Variants in MBNL1 observed in about 807,000 individuals in gnomAD.
The protein encoded by MBNL1 is muscleblind-like protein 1.
A neutral mutation model predicts 42.2 loss-of-function variants in MBNL1; 8 were observed. The observed-to-expected ratio is 0.19, with a 90% CI of 0.11 to 0.34. MBNL1 has a LOEUF of 0.34. Ranked by LOEUF, MBNL1 falls within the 10% of genes least tolerant of loss-of-function variation. The pLI is 1.00. For synonymous variants in MBNL1, 169 were observed against 173.9 expected (o/e 0.97, Z 0.22); for missense variants, 309 against 495.3 (o/e 0.62, Z 3.57).
chr3:152,382,154 A>G (rs2097203135), intron 2 of MBNL1, among the ~76,000 whole-genome samples: 1 of 152,102 alleles, frequency 6.6e-6, no homozygotes, highest in Non-Finnish European at 1.5e-5. Context: ...GTTTTCCTTT[A>G]AACCCACTTG....
intron 2 of MBNL1, among the ~76,000 whole-genome samples, chr3:152,385,225 A>G (rs1159918138): frequency 1.3e-5 from 2 of 152,016 alleles, no homozygotes; most frequent in African/African-American, 4.8e-5. Context: ...TTCTTCTTGT[A>G]TTGAGGCCTC....
rs1482196799 is a variant in MBNL1, at chr3:152,464,100, ATTAC to A, written c.*1738_*1741del. 1 of 152,452 alleles carries A rather than the reference ATTAC, an allele frequency of 6.6e-6. No homozygotes were observed. The highest frequency in any genetic ancestry group is 2.4e-5 in the African/African-American group (1 of 41,414). 9.4% of individuals were successfully genotyped at this position (152,452 alleles called of 1,614,324 possible). A position where few individuals can be genotyped will look rare whatever the true frequency, so the allele number is the denominator to read the frequency against. On this transcript the variant is annotated 3_prime_UTR_variant, in exon 10 of 10. Coordinates refer to ENST00000324210, the MANE Select transcript of MBNL1 (RefSeq NM_021038.5). ...ATTGTAGTTAGTTACATTATAGAATATTACTTATTTTTCTTGTTAAAATGTAGTT... is the reference window on the plus strand; with the variant it reads ...ATTGTAGTTAGTTACATTATAGAATATTATTTTTCTTGTTAAAATGTAGTT...
At chr3:152,380,156 G>A (rs2097121011) in intron 2 of MBNL1, among the ~76,000 whole-genome samples, 1 of 151,946 alleles carries the variant, frequency 6.6e-6, no homozygotes, top group African/African-American at 2.4e-5. Context: ...CTCTGTATTT[G>A]GAAAGTCTCC....
At chr3:152,334,692 ATTCT>A (rs1435521567) in intron 2 of MBNL1, among the ~76,000 whole-genome samples, 15 of 152,184 alleles carry the variant, frequency 9.9e-5, no homozygotes, top group Admixed American at 4.6e-4. Flanking sequence ...ATATGGTAAC[ATTCT>A]TTCTTTCATT....
chr3:152,446,713 G>T, intron 5 of MBNL1: 1 of 1,613,840 alleles, frequency 6.2e-7, no homozygotes, highest in Non-Finnish European at 8.5e-7. Flanking sequence ...GACTCAGTCG[G>T]CTGTCAAATC....
chr3:152,425,860 G>GT (rs1191454004), intron 3 of MBNL1, among the ~76,000 whole-genome samples: 2 of 152,068 alleles, frequency 1.3e-5, no homozygotes, highest in Non-Finnish European at 1.5e-5. Context: ...TATATACTCA[G>GT]TTTTGTAAAT....
intron 2 of MBNL1, among the ~76,000 whole-genome samples, chr3:152,321,271 G>A (rs1162746248): frequency 6.6e-6 from 1 of 152,104 alleles, no homozygotes; most frequent in Non-Finnish European, 1.5e-5. Flanking sequence ...AGTTAGAATA[G>A]AGTAATTATG....
intron 2 of MBNL1, among the ~76,000 whole-genome samples, chr3:152,409,411 C>T (rs1238151309): frequency 6.6e-6 from 1 of 151,570 alleles, no homozygotes; most frequent in Non-Finnish European, 1.5e-5. Context: ...GGCTTGACTG[C>T]CAATGTTACT....
chr3:152,453,044 ATTAC>A (rs896683064), intron 6 of MBNL1, among the ~76,000 whole-genome samples: 28 of 151,580 alleles, frequency 1.8e-4, no homozygotes, highest in African/African-American at 5.1e-4. Flanking sequence ...ATATTAATAA[ATTAC>A]TTATAATTAA....
chr3:152,363,798 G>T (rs1273959436), intron 2 of MBNL1, among the ~76,000 whole-genome samples: 2 of 152,030 alleles, frequency 1.3e-5, no homozygotes, highest in Admixed American at 6.6e-5. Flanking sequence ...AAGCCTCATT[G>T]CTATATCATT....
intron 3 of MBNL1, among the ~76,000 whole-genome samples, chr3:152,416,238 G>A (rs2098700169): frequency 6.6e-6 from 1 of 152,116 alleles, no homozygotes; most frequent in Non-Finnish European, 1.5e-5. Flanking sequence ...CACATTACAT[G>A]GGCAGTGATA....
At chr3:152,391,527 C>A (rs2097716843) in intron 2 of MBNL1, among the ~76,000 whole-genome samples, 1 of 152,108 alleles carries the variant, frequency 6.6e-6, no homozygotes, top group South Asian at 2.1e-4. Context: ...TAAAGCTTTC[C>A]TGAAAATCAC....
intron 2 of MBNL1, among the ~76,000 whole-genome samples, chr3:152,367,324 A>G (rs1017817740): frequency 2.0e-5 from 3 of 152,116 alleles, no homozygotes; most frequent in Non-Finnish European, 4.4e-5. Context: ...GATGGTTTCC[A>G]GCTTCATCCA....
chr3:152,341,381 T>A (rs977467877), intron 2 of MBNL1, among the ~76,000 whole-genome samples: 2 of 152,338 alleles, frequency 1.3e-5, no homozygotes, highest in East Asian at 1.9e-4. Context: ...AGTTTAATTT[T>A]AAAAAATAGT....
intron 4 of MBNL1, among the ~76,000 whole-genome samples, chr3:152,441,769 C>A (rs1480123144): frequency 6.6e-6 from 1 of 152,136 alleles, no homozygotes; most frequent in Non-Finnish European, 1.5e-5. Flanking sequence ...TGTTTTAATG[C>A]AGGTTTGAAA....
chr3:152,311,250 G>A (rs766730595), intron 2 of MBNL1, among the ~76,000 whole-genome samples: 7 of 151,934 alleles, frequency 4.6e-5, no homozygotes, highest in South Asian at 2.1e-4. Context: ...CTCGTGATCC[G>A]TCTGCCTTGG....
intron 5 of MBNL1, among the ~76,000 whole-genome samples, chr3:152,447,062 G>A (rs1351932764): frequency 6.6e-6 from 1 of 152,160 alleles, no homozygotes; most frequent in Non-Finnish European, 1.5e-5. Context: ...GTATATTTAT[G>A]TACCTGTTTG....
At chr3:152,454,460 A>G (rs1321701458) in intron 6 of MBNL1, among the ~76,000 whole-genome samples, 1 of 152,230 alleles carries the variant, frequency 6.6e-6, no homozygotes, top group African/African-American at 2.4e-5. Context: ...AAATCCTTGG[A>G]TATTTTAAAA....
intron 3 of MBNL1, among the ~76,000 whole-genome samples, chr3:152,417,767 C>T (rs1417339707): frequency 2.0e-5 from 3 of 152,100 alleles, no homozygotes; most frequent in Non-Finnish European, 4.4e-5. Context: ...GAATCATAAC[C>T]AGCACCCAGA....
Sources: allele counts gnomAD v4.1 joint callset (sites outside exome capture counted in the v4.1 genomes callset), GRCh38; gene constraint gnomAD v4.1.1; transcripts MANE v1.5; gene names NCBI Gene and HGNC (gene_info 2026-07-23, HGNC 2026-07-21).